The following BRD7 variants were observed in gnomAD, a reference collection of about 807,000 sequenced individuals.
BRD7 encodes the protein bromodomain-containing protein 7.
In BRD7, 15 loss-of-function variants were observed where a neutral mutation model predicts 82.1. That is an observed-to-expected ratio of 0.18 (90% CI 0.12 to 0.28). The LOEUF is 0.28. Ranked by LOEUF, BRD7 falls within the 10% of genes least tolerant of loss-of-function variation. BRD7 has a pLI of 1.00. For missense variants in BRD7, 638 were observed against 779.9 expected (o/e 0.82, Z 2.17); for synonymous variants, 232 against 266.9 (o/e 0.87, Z 1.27).
At chr16:50,326,212 A>C in intron 10 of BRD7, 72 bp downstream of exon 10, 1 of 1,240,232 alleles carries the variant, frequency 8.1e-7, no homozygotes, top group Non-Finnish European at 1.2e-6. Context: ...TGAATAAAGC[A>C]TAATCGTGCT....
At chr16:50,328,847 A>T in intron 8 of BRD7, 103 bp from the exon 9 acceptor site, 2 of 970,974 alleles carry the variant, frequency 2.1e-6, no homozygotes, top group African/African-American at 1.6e-5. Context: ...TGGATTGCAG[A>T]TTTTCCCAGA....
intron 12 of BRD7, 23 bp from the exon 13 acceptor site, chr16:50,322,061 C>T: frequency 1.3e-6 from 2 of 1,577,242 alleles, no homozygotes; most frequent in Non-Finnish European, 1.7e-6. Context: ...AGAAAAACAG[C>T]TTTTTAGGAA....
chr16:50,358,252 C>T (rs1050747517), intron 2 of BRD7, among the ~76,000 whole-genome samples: 2 of 147,234 alleles, frequency 1.4e-5, no homozygotes, highest in Non-Finnish European at 1.5e-5. Context: ...TGGCTGGATG[C>T]GGTGGCTCAC....
At chr16:50,340,939 C>CA (rs1241796813) in intron 5 of BRD7, among the ~76,000 whole-genome samples, 2 of 151,334 alleles carry the variant, frequency 1.3e-5, no homozygotes, top group South Asian at 2.1e-4. Context: ...GTTTAAAAAA[C>CA]AAAAAAAATT....
In BRD7 at chr16:50,350,162, T is replaced by A; in HGVS notation, c.452A>T (p.Asp151Val). 4 of 1,581,200 alleles carry A rather than the reference T, an allele frequency of 2.5e-6. No homozygotes were observed. Among genetic ancestry groups the A allele is most frequent in the Non-Finnish European group, 3.4e-6 (4 of 1,168,820 alleles). The stretch of plus-strand genomic sequence containing the variant: ...AGGAAATGAAAAGAAAGCACTTGGA[T>A]CTTTTCTGTAAAGATATGCAAAAGA... ...NQLMRQLQRK[D>V]PSAFFSFPVT... Residue 151 changes from aspartate (D) to valine (V), a missense_variant, in exon 5 of 17, where the codon GAT (aspartate) becomes GTT (valine). This residue lies in a region of BRD7 where 64 missense variants were observed against 123.8 expected (regional missense o/e 0.52). Transcript: ENST00000394688.
chr16:50,320,192 G>C lies in BRD7; in HGVS notation c.1756+56C>G. The C allele has an allele frequency of 1.9e-6, 3 of 1,569,354 alleles. No homozygotes were observed. In the Admixed American group the frequency reaches 5.7e-5, roughly 30 times the overall value. On this transcript the variant is annotated intron_variant, in intron 15 of 16. Coordinates refer to ENST00000394688, the MANE Select transcript of BRD7 (RefSeq NM_013263.5). Reference sequence around the variant, plus strand: ...ATAGTGGCATCACCACTGTACTCAAGAAGTTTTTTCTTTGAAGCATCCCGT... The same window carrying C: ...ATAGTGGCATCACCACTGTACTCAACAAGTTTTTTCTTTGAAGCATCCCGT...
At chr16:50,358,354 G>GCCAA (rs1292930455) in intron 2 of BRD7, among the ~76,000 whole-genome samples, 2 of 152,136 alleles carry the variant, frequency 1.3e-5, no homozygotes, top group African/African-American at 2.4e-5. Context: ...GCGAAATCCA[G>GCCAA]GAGTTTTGGT....
chr16:50,328,511 T>C (rs1206543736), intron 9 of BRD7, among the ~76,000 whole-genome samples, 158 bp downstream of exon 9: 1 of 152,238 alleles, frequency 6.6e-6, no homozygotes, highest in African/African-American at 2.4e-5. Flanking sequence ...AAAGTTAGGC[T>C]AGCTGTTACC....
chr16:50,354,618 T>A, intron 3 of BRD7, 136 bp from the exon 4 acceptor site: 1 of 1,203,268 alleles, frequency 8.3e-7, no homozygotes, highest in Non-Finnish European at 1.2e-6. Flanking sequence ...ATATTGAAGT[T>A]TGAGAGTATT....
At chr16:50,349,439 A>G in intron 5 of BRD7, 1 of 379,656 alleles carries the variant, frequency 2.6e-6, no homozygotes, top group South Asian at 2.0e-5. Flanking sequence ...AAAAAAAAGA[A>G]AGTGTGTAGC....
At chr16:50,363,660 TGCGCGCGCGCGCGTGCGC>T (rs1214798329) in intron 2 of BRD7, among the ~76,000 whole-genome samples, 4 of 102,402 alleles carry the variant, frequency 3.9e-5, no homozygotes, top group African/African-American at 8.0e-5. Flanking sequence ...TGTGTGTGTG[TGCGCGCGCGCGCGTGCGC>T]GTGTGCTTCC....
intron 6 of BRD7, among the ~76,000 whole-genome samples, chr16:50,335,787 C>T (rs372382565): frequency 6.6e-5 from 10 of 152,230 alleles, no homozygotes; most frequent in African/African-American, 2.2e-4. Context: ...TAAGACTAGG[C>T]TTGCTGTCAC....
intron 5 of BRD7, 94 bp from the exon 6 acceptor site, chr16:50,340,180 A>T: frequency 1.7e-6 from 1 of 572,750 alleles, no homozygotes; most frequent in Non-Finnish European, 3.0e-6. Flanking sequence ...CTAAAAATTT[A>T]AAAAGCAACA....
At chr16:50,341,928 T>TCTCTCACA (rs780059612) in intron 5 of BRD7, among the ~76,000 whole-genome samples, 1 of 143,552 alleles carries the variant, frequency 7.0e-6, no homozygotes, top group Non-Finnish European at 1.5e-5. Flanking sequence ...TGCACACTTT[T>TCTCTCACA]CACACACACA....
intron 3 of BRD7, 101 bp downstream of exon 3, chr16:50,354,692 A>G: frequency 6.9e-7 from 1 of 1,458,038 alleles, no homozygotes. Context: ...TAAAAATTCA[A>G]TCACAAAGCT....
At chr16:50,366,366 G>T (rs993172709) in intron 2 of BRD7, among the ~76,000 whole-genome samples, 1 of 152,128 alleles carries the variant, frequency 6.6e-6, no homozygotes, top group South Asian at 2.1e-4. Flanking sequence ...ACAGAAAGCT[G>T]TAAGATAAAT....
intron 2 of BRD7, among the ~76,000 whole-genome samples, chr16:50,356,845 T>C (rs2038755889): frequency 6.6e-6 from 1 of 152,188 alleles, no homozygotes; most frequent in Non-Finnish European, 1.5e-5. Flanking sequence ...TCTGCATTCT[T>C]AAAATTTAAA....
At chr16:50,331,874 A>G (rs1390794790) in intron 8 of BRD7, among the ~76,000 whole-genome samples, 1 of 152,232 alleles carries the variant, frequency 6.6e-6, no homozygotes, top group Non-Finnish European at 1.5e-5. Context: ...GACAAAGTCG[A>G]CAAAAATAAA....
At chr16:50,356,563 T>C (rs894513620) in intron 2 of BRD7, among the ~76,000 whole-genome samples, 2 of 152,120 alleles carry the variant, frequency 1.3e-5, no homozygotes, top group African/African-American at 4.8e-5. Flanking sequence ...TAAGCATACA[T>C]TGTTTACAGA....
Sources: allele counts gnomAD v4.1 joint callset (sites outside exome capture counted in the v4.1 genomes callset), GRCh38; gene constraint gnomAD v4.1.1; regional missense constraint gnomAD v4.1.1; transcripts MANE v1.5; gene names NCBI Gene and HGNC (gene_info 2026-07-23, HGNC 2026-07-21).